Variants in SGCD observed in about 807,000 individuals in gnomAD.
The protein encoded by SGCD is sarcoglycan delta.
Under a neutral mutation model 36.6 loss-of-function variants are expected in SGCD, and 18 were observed. The observed-to-expected ratio is 0.49, with a 90% CI of 0.34 to 0.73. SGCD has a LOEUF of 0.73. Ranked by LOEUF, SGCD falls within the 30% of genes least tolerant of loss-of-function variation. The pLI is 0.01. For synonymous variants in SGCD, 133 were observed against 130.6 expected, an observed-to-expected ratio of 1.02 and a Z score of -0.12; for missense variants, 387 against 346.7, an observed-to-expected ratio of 1.12 and a Z score of -0.92.
chr5:156,449,193 T>C (rs1753881950), intron 3 of SGCD, among the ~76,000 whole-genome samples: 1 of 152,188 alleles, frequency 6.6e-6, no homozygotes. Flanking sequence ...ATCAGTTCTA[T>C]ACGATTGAGC....
chr5:156,550,729 G>C (rs1348200083), intron 4 of SGCD, among the ~76,000 whole-genome samples: 3 of 152,218 alleles, frequency 2.0e-5, no homozygotes, highest in Middle Eastern at 3.4e-3. Context: ...AGTTACCTTT[G>C]AGCTAAGGCT....
chr5:156,739,324 C>A (rs1365461752), intron 7 of SGCD, among the ~76,000 whole-genome samples: 10 of 152,238 alleles, frequency 6.6e-5, no homozygotes, highest in Middle Eastern at 3.4e-3. Context: ...AGAGGGAAGT[C>A]AATTCAAACA....
At chr5:155,801,390 T>C in the SGCD span, among the ~76,000 whole-genome samples, 1 of 152,182 alleles carries the variant, frequency 6.6e-6, no homozygotes, top group Non-Finnish European at 1.5e-5. Context: ...TCAGGGAGAC[T>C]CAGCATTCTC....
At chr5:156,469,641 A>T (rs947501114) in intron 3 of SGCD, among the ~76,000 whole-genome samples, 2 of 152,214 alleles carry the variant, frequency 1.3e-5, no homozygotes, top group Non-Finnish European at 2.9e-5. Context: ...TACCTTCCTT[A>T]CAAGTGACTT....
intron 1 of SGCD, among the ~76,000 whole-genome samples, chr5:156,006,927 C>T (rs1221947626): frequency 1.3e-5 from 2 of 152,170 alleles, no homozygotes; most frequent in African/African-American, 2.4e-5. Context: ...TTCCTTCTCC[C>T]TTCTTTGTTT....
At chr5:156,262,276 G>T (rs1765889120) in intron 3 of SGCD, among the ~76,000 whole-genome samples, 1 of 151,966 alleles carries the variant, frequency 6.6e-6, no homozygotes, top group Admixed American at 6.6e-5. Context: ...TATTTTTACT[G>T]TACACTTTCT....
In SGCD at chr5:155,946,464, A is replaced by T. The variant is rs577486795; in HGVS notation, c.-282+76040A>T. 2.0e-5 allele frequency among the ~76,000 whole-genome samples: 3 copies of T among 152,204 alleles called. No homozygotes were observed. The East Asian group carries it at 5.8e-4, about 29-fold the overall frequency. ...TGAGAGTTTAATTAAATGTTTGCCAAGTGGTTATATGGTTGATAAATGTGA... is the reference window on the plus strand; with the variant it reads ...TGAGAGTTTAATTAAATGTTTGCCATGTGGTTATATGGTTGATAAATGTGA... On this transcript the variant is annotated intron_variant, in intron 1 of 9. Transcript: ENST00000517913.
chr5:156,751,889 T>C (rs2113147567), intron 7 of SGCD, among the ~76,000 whole-genome samples: 1 of 152,378 alleles, frequency 6.6e-6, no homozygotes, highest in East Asian at 1.9e-4. Flanking sequence ...AAGCTGTAGA[T>C]ATGCAGATCC....
intron 3 of SGCD, among the ~76,000 whole-genome samples, chr5:156,256,748 A>G (rs990910692): frequency 6.6e-6 from 1 of 152,226 alleles, no homozygotes; most frequent in Non-Finnish European, 1.5e-5. Context: ...GTCAGAATAT[A>G]ATCTGTGGAT....
intron 1 of SGCD, among the ~76,000 whole-genome samples, chr5:155,985,147 A>G (rs1025321274): frequency 1.3e-5 from 2 of 152,162 alleles, no homozygotes; most frequent in Admixed American, 6.5e-5. Flanking sequence ...ACCAACATCC[A>G]TTTATCATCT....
At chr5:156,590,261 G>A (rs1420032527) in intron 5 of SGCD, among the ~76,000 whole-genome samples, 1 of 152,130 alleles carries the variant, frequency 6.6e-6, no homozygotes, top group East Asian at 1.9e-4. Context: ...GTACCTTTGT[G>A]ACCATAGTCT....
At chr5:156,214,666 C>G (rs1764528803) in intron 3 of SGCD, among the ~76,000 whole-genome samples, 1 of 151,892 alleles carries the variant, frequency 6.6e-6, no homozygotes, top group Non-Finnish European at 1.5e-5. Flanking sequence ...AAGAACAAAG[C>G]CAGAAGCATC....
At chr5:155,972,910 G>T (rs185086706) in intron 1 of SGCD, among the ~76,000 whole-genome samples, 2 of 152,082 alleles carry the variant, frequency 1.3e-5, no homozygotes, top group East Asian at 3.9e-4. Flanking sequence ...CAATCAGGTT[G>T]TTTTTCTTCA....
chr5:155,966,254 A>G (rs896880865), intron 1 of SGCD, among the ~76,000 whole-genome samples: 6 of 152,104 alleles, frequency 3.9e-5, no homozygotes, highest in Non-Finnish European at 4.4e-5. Context: ...ATGTCAACAT[A>G]TACTCCAGTC....
intron 6 of SGCD, among the ~76,000 whole-genome samples, chr5:156,613,447 T>G (rs1208199475): frequency 2.0e-5 from 3 of 152,242 alleles, no homozygotes; most frequent in Admixed American, 2.0e-4. Context: ...CACAGCCCTT[T>G]TCACACATGT....
chr5:156,285,597 G>T (rs1445693177), intron 3 of SGCD, among the ~76,000 whole-genome samples: 1 of 152,112 alleles, frequency 6.6e-6, no homozygotes, highest in African/African-American at 2.4e-5. Context: ...TTAATAAATG[G>T]TACTGGGAAA....
At chr5:156,286,119 A>G (rs1489134317) in intron 3 of SGCD, among the ~76,000 whole-genome samples, 2 of 152,324 alleles carry the variant, frequency 1.3e-5, no homozygotes, top group South Asian at 2.1e-4. Context: ...CAAAACCACA[A>G]TGAGATACCA....
intron 3 of SGCD, among the ~76,000 whole-genome samples, chr5:156,390,510 C>T (rs1771508738): frequency 6.6e-6 from 1 of 152,196 alleles, no homozygotes; most frequent in South Asian, 2.1e-4. Context: ...GCGGGTGGAT[C>T]ACCTGAGGTC....
chr5:156,491,902 C>G (rs555965249), intron 3 of SGCD, among the ~76,000 whole-genome samples: 4 of 152,096 alleles, frequency 2.6e-5, no homozygotes, highest in Non-Finnish European at 2.9e-5. Context: ...CCTGGCATCT[C>G]ATTCTGGGAG....
Sources: gnomAD v4.1 joint callset for allele counts (sites outside exome capture counted in the v4.1 genomes callset) on GRCh38, gnomAD v4.1.1 for gene constraint, MANE v1.5 for transcripts, NCBI Gene and HGNC (gene_info 2026-07-23, HGNC 2026-07-21) for gene names.